ZNF311: variants seen among roughly 807,000 people sequenced by gnomAD.
ZNF311 encodes the protein zinc finger protein 311, also known as zinc finger protein zfp31.
Under a neutral mutation model 22.7 loss-of-function variants are expected in ZNF311, and 14 were observed. The observed-to-expected ratio is 0.62, with a 90% CI of 0.41 to 0.96. The LOEUF is 0.96. ZNF311 is among the 40% of genes least tolerant of loss of function. The pLI is 0.00. For missense variants in ZNF311, 731 were observed against 799.0 expected (o/e 0.91, Z 1.03); for synonymous variants, 250 against 275.3 (o/e 0.91, Z 0.91).
upstream of ZNF311, chr6:29,005,316 CAAAAAAAAAAA>C: frequency 1.0e-5 from 1 of 96,692 alleles, no homozygotes; most frequent in Admixed American, 1.0e-4. Context: ...ACTCCGGTCT[CAAAAAAAAAAA>C]AAAAAAATGG....
At chr6:28,999,380 A>C (rs1780105822) in intron 5 of ZNF311, 107 bp downstream of exon 5, 2 of 1,106,880 alleles carry the variant, frequency 1.8e-6, no homozygotes, top group Non-Finnish European at 2.4e-6. Flanking sequence ...CCTGATGATA[A>C]AGAATAAGGA....
rs201660476 is a variant in ZNF311 at position 28,999,098 on chromosome 6, T to TA, written c.311-261dup. Among the ~76,000 whole-genome samples the TA allele has an allele frequency of 2.6e-3, 396 of 151,374 alleles. 4 individuals are homozygous for TA. The highest frequency in any genetic ancestry group is 8.8e-3 in the African/African-American group (362 of 41,332). On this transcript the variant is annotated intron_variant, in intron 5 of 6. Coordinates refer to ENST00000377179, the MANE Select transcript of ZNF311 (RefSeq NM_001382360.1). Reference sequence around the variant, plus strand: ...TGTGCTCTCCTGTTTTTTTTTTTTTTAATTTTATTTTGTTTTACTTTAGGA... The same window carrying TA: ...TGTGCTCTCCTGTTTTTTTTTTTTTTAAATTTTATTTTGTTTTACTTTAGGA...
chr6:29,002,162 A>G (rs1338860959), intron 3 of ZNF311, among the ~76,000 whole-genome samples: 1 of 152,208 alleles, frequency 6.6e-6, no homozygotes, highest in African/African-American at 2.4e-5. Flanking sequence ...AAACAACATA[A>G]AACTTTTTGT....
Position 28,996,037 on chromosome 6 carries a change from TTA to T in ZNF311, c.963_964del (p.His321GlnfsTer41), listed in dbSNP as rs753598875. Reference sequence around the variant, plus strand: ...AGGCTTCTCCCCACTGTGGGTTTTTTTATGTCGGCAAAGAGCTGATCTACTGT... The same window carrying T: ...AGGCTTCTCCCCACTGTGGGTTTTTTTGTCGGCAAAGAGCTGATCTACTGT... On this transcript the variant is annotated frameshift_variant, in exon 7 of 7. Transcript: ENST00000377179. LOFTEE classifies it low-confidence loss of function (END_TRUNC). 5 of 1,613,298 alleles carry T rather than the reference TTA, an allele frequency of 3.1e-6. No homozygotes were observed. Among genetic ancestry groups the T allele is most frequent in the African/African-American group, 2.7e-5 (2 of 74,910 alleles).
intron 3 of ZNF311, among the ~76,000 whole-genome samples, chr6:29,001,378 CTCT>C (rs1780431057): frequency 6.6e-6 from 1 of 152,186 alleles, no homozygotes; most frequent in South Asian, 2.1e-4. Context: ...CCCAAGAAGA[CTCT>C]TCTTTAGTTT....
chr6:29,004,454 T>C (rs1342965498), intron 1 of ZNF311, among the ~76,000 whole-genome samples: 10 of 33,978 alleles, frequency 2.9e-4, no homozygotes, highest in Non-Finnish European at 4.4e-4. Context: ...TTTTTTTTTT[T>C]TTTTTTTTTT....
At chr6:29,002,236 G>A (rs1780536143) in intron 3 of ZNF311, among the ~76,000 whole-genome samples, 1 of 152,132 alleles carries the variant, frequency 6.6e-6, no homozygotes. Context: ...TATATGATAG[G>A]TGGCTACAGA....
intron 6 of ZNF311, among the ~76,000 whole-genome samples, chr6:28,998,144 C>T (rs1370534235): frequency 6.6e-6 from 1 of 151,682 alleles, no homozygotes; most frequent in Non-Finnish European, 1.5e-5. Context: ...GTAACTGACA[C>T]ACAGAAGGGT....
At position 29,003,978 on chromosome 6, in the gene ZNF311, A is replaced by C; in HGVS notation, c.-24T>G. ...ATCTTTTTACTCAGGTTTCTTTAACAGTCTTCCACTGCTGTCCTGGTTTCT... is the reference window on the plus strand; with the variant it reads ...ATCTTTTTACTCAGGTTTCTTTAACCGTCTTCCACTGCTGTCCTGGTTTCT... On this transcript the variant is annotated 5_prime_UTR_variant, in exon 2 of 7. Transcript: ENST00000377179. 6.2e-7 allele frequency: 1 copy of C among 1,612,854 alleles called. No homozygotes were observed. Among genetic ancestry groups the C allele is most frequent in the Non-Finnish European group, 8.5e-7 (1 of 1,179,890 alleles).
rs900919087 is a variant in ZNF311 at position 28,995,192 on chromosome 6, C to G, written c.1810G>C (p.Val604Leu). Residue 604 changes from valine to leucine, a missense_variant, in exon 7 of 7, where the codon GTT (valine) becomes CTT (leucine). Transcript: ENST00000377179. This position sits in a 1 kb window ranked among gnomAD's most constrained non-coding sequence, Gnocchi z 4.7. ...TCATAAGGTTTCTCCCCAGTATGAA[C>G]TCGCTTATGTCCAATCAGAGCTGAG... The part of the protein sequence containing the change: ...QGSALIGHKR[V>L]HTGEKPYECE... The G allele has an allele frequency of 1.2e-6, 2 of 1,613,920 alleles. No individual in the cohort carries two copies. The highest frequency in any genetic ancestry group is 1.3e-5 in the African/African-American group (1 of 74,904).
In ZNF311 at chr6:29,003,978, A is replaced by G. The variant is rs1780817089; in HGVS notation, c.-24T>C. ...ATCTTTTTACTCAGGTTTCTTTAAC[A>G]GTCTTCCACTGCTGTCCTGGTTTCT... is the stretch of plus-strand genomic sequence containing the variant. On this transcript the variant is annotated 5_prime_UTR_variant, in exon 2 of 7. Transcript: ENST00000377179. 3 of 1,612,736 alleles carry G rather than the reference A, an allele frequency of 1.9e-6. No individual in the cohort carries two copies. Among genetic ancestry groups the G allele is most frequent in the African/African-American group, 2.7e-5 (2 of 74,912 alleles).
At chr6:29,001,402 T>C (rs1364755256) in intron 3 of ZNF311, among the ~76,000 whole-genome samples, 3 of 152,212 alleles carry the variant, frequency 2.0e-5, no homozygotes, top group Non-Finnish European at 2.9e-5. Context: ...CAGCTACTTA[T>C]AGCTTTTGAC....
Position 28,995,067 on chromosome 6 carries a change from A to C in ZNF311, c.1935T>G (p.Ser645Arg). ...QVWSTHELDGSRKSLSPVTVS... is the reference protein window; with the variant it reads ...QVWSTHELDGRRKSLSPVTVS... The stretch of plus-strand genomic sequence containing the variant: ...CAGTCACTGGAGAGAGGGATTTCCT[A>C]CTCCCATCAAGTTCATGGGTACTCC... The change falls in exon 7 of 7, where the codon AGT becomes AGG. Residue 645 changes from serine to arginine, a missense_variant. Transcript: ENST00000377179. This position sits in a 1 kb window ranked among gnomAD's most constrained non-coding sequence, Gnocchi z 4.7. 1.2e-6 allele frequency: 2 copies of C among 1,613,466 alleles called. No homozygotes were observed. The highest frequency in any genetic ancestry group is 1.7e-6 in the Non-Finnish European group (2 of 1,179,986).
At chr6:29,002,971 C>T (rs776463497) in intron 3 of ZNF311, among the ~76,000 whole-genome samples, 1 of 152,118 alleles carries the variant, frequency 6.6e-6, no homozygotes, top group Non-Finnish European at 1.5e-5. Context: ...TCACATACGC[C>T]ACCAAAGAGC....
In ZNF311 at chr6:28,999,980, A is replaced by G. The variant is rs774017590; in HGVS notation, c.159T>C (p.Asp53=). ...DGSQGNLPQA[D]ITLMSQAQES... ...CTTGGGCCTGGCTCATTAGTGTGATATCTGCTTGCGGCAGGTTTCCTTGGC... is the reference window on the plus strand; with the variant it reads ...CTTGGGCCTGGCTCATTAGTGTGATGTCTGCTTGCGGCAGGTTTCCTTGGC... The change falls in exon 4 of 7, where the codon GAT becomes GAC. Residue 53 remains aspartate, a synonymous_variant. Transcript: ENST00000377179. 1.2e-6 allele frequency: 2 copies of G among 1,613,706 alleles called. No homozygotes were observed. Among genetic ancestry groups the G allele is most frequent in the East Asian group, 2.2e-5 (1 of 44,880 alleles).
chr6:28,995,741 C>G lies in ZNF311; in HGVS notation c.1261G>C (p.Gly421Arg). The G allele has an allele frequency of 6.2e-7, 1 of 1,613,896 alleles. No homozygotes were observed. Reference protein sequence around the residue: ...GERPYECSKCGRAFSRSSDLS... With the variant: ...GERPYECSKCRRAFSRSSDLS... ...TCTGAGCTCCGACTGAAGGCCCTTC[C>G]ACACTTGCTGCACTCATAAGGTCGT... Residue 421 changes from glycine (G) to arginine (R), a missense_variant, in exon 7 of 7, where the codon GGA becomes CGA. By Grantham distance (125) the Gly-to-Arg change is moderately radical (BLOSUM62 -2). Coordinates refer to ENST00000377179, the MANE Select transcript of ZNF311 (RefSeq NM_001382360.1). The surrounding 1 kb of genome is among the most constrained non-coding windows in gnomAD (Gnocchi z 4.7).
At chr6:29,000,155 G>T in intron 3 of ZNF311, 108 bp from the exon 4 acceptor site, 1 of 1,044,098 alleles carries the variant, frequency 9.6e-7, no homozygotes, top group Non-Finnish European at 1.4e-6. Flanking sequence ...CTCTAACCTA[G>T]GGCTTTAGGC....
Position 28,996,058 on chromosome 6 carries a change from C to A in ZNF311, c.944G>T (p.Arg315Ile). The A allele has an allele frequency of 6.2e-7, 1 of 1,613,318 alleles. No individual in the cohort carries two copies. The highest frequency in any genetic ancestry group is 8.5e-7 in the Non-Finnish European group (1 of 1,180,026). The change falls in exon 7 of 7, where the codon AGA (arginine) becomes ATA (isoleucine). Residue 315 changes from arginine (R) to isoleucine (I), a missense_variant. Arg to Ile is a moderately conservative substitution (Grantham distance 97). Transcript: ENST00000377179. The stretch of plus-strand genomic sequence containing the variant: ...TTTTTTATGTCGGCAAAGAGCTGAT[C>A]TACTGTTGAAAGCCTTCCCACACTG... ...CTQCGKAFNS[R>I]SALCRHKKTH...
chr6:28,999,736 G>A, intron 4 of ZNF311, 123 bp from the exon 5 acceptor site: 1 of 1,404,354 alleles, frequency 7.1e-7, no homozygotes, highest in Non-Finnish European at 9.5e-7. Context: ...CCTTTTGGTG[G>A]GTATGTACAA....
Sources: gnomAD v4.1 joint callset for allele counts (sites outside exome capture counted in the v4.1 genomes callset) on GRCh38, gnomAD v4.1.1 for gene constraint, Gnocchi (gnomAD v3.1) non-coding constraint, MANE v1.5 for transcripts, NCBI Gene and HGNC (gene_info 2026-07-23, HGNC 2026-07-21) for gene names.